The following GPC5 variants were observed in gnomAD, a reference collection of about 807,000 sequenced individuals.
GPC5 encodes the protein glypican-5.
Under a neutral mutation model 53.9 loss-of-function variants are expected in GPC5, and 47 were observed. That is an observed-to-expected ratio of 0.87 (90% CI 0.69 to 1.11). The LOEUF is 1.11. GPC5 is among the 50% of genes most tolerant of loss of function. The pLI is 0.00. For missense variants in GPC5, 748 were observed against 713.1 expected, an observed-to-expected ratio of 1.05 and a Z score of -0.56; for synonymous variants, 286 against 263.3, an observed-to-expected ratio of 1.09 and a Z score of -0.84.
intron 6 of GPC5, among the ~76,000 whole-genome samples, chr13:91,965,954 A>T (rs2040176774): frequency 6.6e-6 from 1 of 152,208 alleles, no homozygotes; most frequent in Non-Finnish European, 1.5e-5. Context: ...GTAGGTTTCC[A>T]TATGGGAGGA....
intron 5 of GPC5, among the ~76,000 whole-genome samples, chr13:91,860,477 C>G (rs1037919043): frequency 1.4e-5 from 2 of 143,934 alleles, no homozygotes; most frequent in Admixed American, 1.4e-4. Context: ...TTCCTGCCTT[C>G]CTTCCTTCCT....
chr13:91,437,709 T>C (rs1256315029), intron 1 of GPC5, among the ~76,000 whole-genome samples: 1 of 152,194 alleles, frequency 6.6e-6, no homozygotes, highest in Non-Finnish European at 1.5e-5. Context: ...TTGGCCTGCA[T>C]TGCTAGACTG....
intron 2 of GPC5, among the ~76,000 whole-genome samples, chr13:91,473,428 A>G (rs760925740): frequency 6.6e-6 from 1 of 152,176 alleles, no homozygotes; most frequent in Non-Finnish European, 1.5e-5. Context: ...GGAGAAATAT[A>G]ACATGGTTGG....
chr13:91,791,350 A>G (rs913110894), intron 5 of GPC5, among the ~76,000 whole-genome samples: 2 of 152,128 alleles, frequency 1.3e-5, no homozygotes, highest in Non-Finnish European at 2.9e-5. Flanking sequence ...CGCTACCTAG[A>G]TGCTCCCTGG....
rs560502638 is a variant in GPC5 at position 92,115,197 on chromosome 13, A to G, written c.1402-29633A>G. Among the ~76,000 whole-genome samples, 4 of 152,316 alleles carry G rather than the reference A, an allele frequency of 2.6e-5. No homozygotes were observed. In the East Asian group the frequency reaches 7.7e-4, roughly 29 times the overall value. The stretch of plus-strand genomic sequence containing the variant: ...TGGATAAATGCATAGTCATGTAACC[A>G]CCACCAAAATTAAAATTTAAAACAA... On this transcript the variant is annotated intron_variant, in intron 6 of 7. Coordinates refer to ENST00000377067, the MANE Select transcript of GPC5 (RefSeq NM_004466.6).
At chr13:91,409,225 C>G (rs779056154) in intron 1 of GPC5, among the ~76,000 whole-genome samples, 39 of 152,106 alleles carry the variant, frequency 2.6e-4, no homozygotes, top group South Asian at 6.2e-4. Context: ...AGATTAACAG[C>G]CTGTTCTCAC....
intron 6 of GPC5, among the ~76,000 whole-genome samples, chr13:91,949,318 C>T (rs1566358459): frequency 6.6e-6 from 1 of 152,066 alleles, no homozygotes; most frequent in Non-Finnish European, 1.5e-5. Flanking sequence ...TGTATGTACA[C>T]TCAATCAAAC....
rs545297905 is a variant in GPC5, at chr13:91,399,521, C to T, written c.163+312C>T. 2.0e-5 allele frequency among the ~76,000 whole-genome samples: 3 copies of T among 152,346 alleles called. No homozygotes were observed. The South Asian group carries it at 6.2e-4, about 32-fold the overall frequency. ...CAGACATCAGGGCGTGGGGGACACG[C>T]AGTCTAACTCCGTTTCTCTTCCGAG... On this transcript the variant is annotated intron_variant, in intron 1 of 7. Coordinates refer to ENST00000377067, the MANE Select transcript of GPC5 (RefSeq NM_004466.6).
At chr13:91,971,373 C>A (rs551434620) in intron 6 of GPC5, among the ~76,000 whole-genome samples, 1 of 151,818 alleles carries the variant, frequency 6.6e-6, no homozygotes, top group African/African-American at 2.4e-5. Flanking sequence ...CTTTATTAGT[C>A]TTGCTAGCGG....
chr13:91,625,519 A>G (rs2033975518), intron 2 of GPC5, among the ~76,000 whole-genome samples: 1 of 152,040 alleles, frequency 6.6e-6, no homozygotes, highest in Admixed American at 6.6e-5. Context: ...AAAGTGTTTG[A>G]GTAGAGAGAG....
chr13:92,851,219 C>T (rs2138844537), intron 7 of GPC5, among the ~76,000 whole-genome samples: 1 of 152,254 alleles, frequency 6.6e-6, no homozygotes, highest in Middle Eastern at 3.4e-3. Flanking sequence ...CCACCAGGCC[C>T]CACCTCCAGC....
chr13:92,381,618 A>G (rs1164497455), intron 7 of GPC5, among the ~76,000 whole-genome samples: 2 of 150,760 alleles, frequency 1.3e-5, no homozygotes, highest in Non-Finnish European at 2.9e-5. Context: ...TAAAAGTAGA[A>G]CTACCATTTG....
At chr13:91,572,666 G>A (rs377599702) in intron 2 of GPC5, among the ~76,000 whole-genome samples, 11 of 152,120 alleles carry the variant, frequency 7.2e-5, no homozygotes, top group Admixed American at 5.9e-4. Flanking sequence ...CGAGGGATCT[G>A]CCCCCATGAC....
At chr13:91,762,428 G>A (rs879723956) in intron 5 of GPC5, among the ~76,000 whole-genome samples, 1 of 150,706 alleles carries the variant, frequency 6.6e-6, no homozygotes, top group Non-Finnish European at 1.5e-5. Flanking sequence ...ATCTGTCCTA[G>A]TTTCCAAAAG....
At chr13:92,085,565 T>A (rs1259787837) in intron 6 of GPC5, among the ~76,000 whole-genome samples, 1 of 152,150 alleles carries the variant, frequency 6.6e-6, no homozygotes, top group Admixed American at 6.6e-5. Context: ...GGTTTCAGAA[T>A]GATTTGAGCC....
chr13:92,156,608 C>T (rs2041946935), intron 7 of GPC5, among the ~76,000 whole-genome samples: 1 of 151,994 alleles, frequency 6.6e-6, no homozygotes, highest in Non-Finnish European at 1.5e-5. Flanking sequence ...ACTTTTGCAC[C>T]AGTCTAATAA....
At chr13:92,274,565 A>C (rs1450708401) in intron 7 of GPC5, among the ~76,000 whole-genome samples, 1 of 152,122 alleles carries the variant, frequency 6.6e-6, no homozygotes, top group Non-Finnish European at 1.5e-5. Context: ...TCAAGAGTCT[A>C]GATATTGGTT....
At chr13:91,731,472 T>C (rs2036695918) in intron 4 of GPC5, among the ~76,000 whole-genome samples, 1 of 152,212 alleles carries the variant, frequency 6.6e-6, no homozygotes, top group African/African-American at 2.4e-5. Context: ...TTTTTTATTG[T>C]GTTCAGCTCA....
chr13:92,330,035 G>A (rs548272186), intron 7 of GPC5, among the ~76,000 whole-genome samples: 6 of 152,124 alleles, frequency 3.9e-5, no homozygotes, highest in African/African-American at 1.4e-4. Context: ...CATGCCCCAA[G>A]CCAACTTTTC....
Sources: gnomAD v4.1 joint callset for allele counts (sites outside exome capture counted in the v4.1 genomes callset) on GRCh38, gnomAD v4.1.1 for gene constraint, MANE v1.5 for transcripts, NCBI Gene and HGNC (gene_info 2026-07-23, HGNC 2026-07-21) for gene names.